Variants in SLC6A15 observed in about 807,000 individuals in gnomAD.
SLC6A15 encodes solute carrier family 6 member 15.
Under a neutral mutation model 68.5 loss-of-function variants are expected in SLC6A15, and 33 were observed. That is an observed-to-expected ratio of 0.48 (90% CI 0.37 to 0.64). The LOEUF is 0.64. Among genes scored for constraint, SLC6A15 ranks in the 30% least tolerant of loss-of-function variants. The probability of loss-of-function intolerance (pLI) is 0.00; values close to 1 mark genes in which losing one functional copy is unlikely to be tolerated. For missense variants in SLC6A15, 747 were observed against 874.3 expected (o/e 0.85, Z 1.84); for synonymous variants, 347 against 301.0 (o/e 1.15, Z -1.58).
In SLC6A15 at chr12:84,898,907, T is replaced by C. The variant is rs370578687; in HGVS notation, c.-188-6599A>G. On this transcript the variant is annotated intron_variant, in intron 1 of 11. Transcript: ENST00000266682. ...TTTGAAAAACAATTTAATTCTTTCA[T>C]GATTCTCTGAATTAGCAGTGTGAAC... Among the ~76,000 whole-genome samples the C allele has an allele frequency of 1.1e-4, 17 of 152,362 alleles. No homozygotes were observed. In the East Asian group the frequency reaches 2.5e-3, roughly 22 times the overall value.
At chr12:84,879,350 G>A (rs1191445343) in intron 5 of SLC6A15, among the ~76,000 whole-genome samples, 2 of 150,828 alleles carry the variant, frequency 1.3e-5, no homozygotes, top group Admixed American at 6.6e-5. Flanking sequence ...TTTGGAGACC[G>A]AGTCTCACTC....
intron 1 of SLC6A15, among the ~76,000 whole-genome samples, chr12:84,905,142 T>C (rs1345014217): frequency 6.6e-6 from 1 of 152,140 alleles, no homozygotes; most frequent in Non-Finnish European, 1.5e-5. Context: ...ATATTCCTAA[T>C]GAATATAGAC....
chr12:84,868,854 G>A (rs560731930), intron 9 of SLC6A15, among the ~76,000 whole-genome samples: 1 of 152,268 alleles, frequency 6.6e-6, no homozygotes, highest in East Asian at 1.9e-4. Context: ...TACTACAGGA[G>A]GGGACGGTTT....
intron 5 of SLC6A15, among the ~76,000 whole-genome samples, chr12:84,880,207 G>A (rs559780145): frequency 6.6e-6 from 1 of 152,138 alleles, no homozygotes; most frequent in Non-Finnish European, 1.5e-5. Context: ...GAGCAGGTAA[G>A]AGGACAAAAT....
Position 84,861,884 on chromosome 12 carries a change from A to ATCAT in SLC6A15, c.1937_1940dup (p.Asp647GlufsTer2). 1 of 1,613,998 alleles carries ATCAT rather than the reference A, an allele frequency of 6.2e-7. No individual in the cohort carries two copies. The highest frequency in any genetic ancestry group is 8.5e-7 in the Non-Finnish European group (1 of 1,179,908). The stretch of plus-strand genomic sequence containing the variant: ...TCACAGATGCTAAATTACCAGAACT[A>ATCAT]TCATCTATAAGGTTGAAGCGACGAA... On this transcript the variant is annotated stop_gained and frameshift_variant, in exon 12 of 12. Coordinates refer to ENST00000266682, the MANE Select transcript of SLC6A15 (RefSeq NM_182767.6). LOFTEE classifies it high-confidence loss of function.
chr12:84,907,372 A>T (rs1873219575), intron 1 of SLC6A15, among the ~76,000 whole-genome samples: 2 of 152,054 alleles, frequency 1.3e-5, no homozygotes, highest in African/African-American at 4.8e-5. Flanking sequence ...AACAAAAAAA[A>T]ACTCGACCAT....
chr12:84,862,514 G>A (rs1224558963), intron 11 of SLC6A15, among the ~76,000 whole-genome samples: 1 of 152,130 alleles, frequency 6.6e-6, no homozygotes, highest in Non-Finnish European at 1.5e-5. Context: ...TGAGAGAACG[G>A]ATTTGTTTAT....
chr12:84,885,537 A>C lies in SLC6A15; in HGVS notation c.472T>G (p.Tyr158Asp). 1 of 1,613,460 alleles carries C rather than the reference A, an allele frequency of 6.2e-7. No individual in the cohort carries two copies. The highest frequency in any genetic ancestry group is 8.5e-7 in the Non-Finnish European group (1 of 1,179,650). Residue 158 changes from tyrosine to aspartate, a missense_variant, in exon 4 of 12, where the codon TAC (tyrosine) becomes GAC (aspartate). Tyr to Asp is a radical substitution (Grantham distance 160). Transcript: ENST00000266682. ...AAACTCCAGCCAATGATGACGTTGTAGTAGAGAGCTACAAAATAGCACACC... is the reference window on the plus strand; with the variant it reads ...AAACTCCAGCCAATGATGACGTTGTCGTAGAGAGCTACAAAATAGCACACC... ...CVVCYFVALY[Y>D]NVIIGWSLFY...
chr12:84,875,662 A>C, intron 6 of SLC6A15, among the ~76,000 whole-genome samples: 1 of 92 alleles, frequency 0.011, no homozygotes, highest in Middle Eastern at 0.5. Flanking sequence ...ATATATATAT[A>C]TATATATATA....
intron 5 of SLC6A15, among the ~76,000 whole-genome samples, chr12:84,878,696 A>T (rs978682914): frequency 1.3e-5 from 2 of 152,120 alleles, no homozygotes; most frequent in African/African-American, 4.8e-5. Context: ...CTAATTAGGT[A>T]CTAAGAAAAG....
intron 1 of SLC6A15, among the ~76,000 whole-genome samples, chr12:84,902,876 A>C (rs1246501834): frequency 6.6e-6 from 1 of 152,134 alleles, no homozygotes; most frequent in Non-Finnish European, 1.5e-5. Flanking sequence ...CTTATAAAAG[A>C]GTAGCAGGAG....
intron 5 of SLC6A15, among the ~76,000 whole-genome samples, chr12:84,876,889 T>C (rs1369504692): frequency 6.6e-6 from 1 of 152,208 alleles, no homozygotes; most frequent in Admixed American, 6.5e-5. Context: ...TTATAGTTCA[T>C]AAAACAAGAA....
At chr12:84,908,272 TA>T (rs1364872712) in intron 1 of SLC6A15, among the ~76,000 whole-genome samples, 36 of 152,128 alleles carry the variant, frequency 2.4e-4, no homozygotes, top group African/African-American at 8.4e-4. Flanking sequence ...AGACTTTTTT[TA>T]ATACCCTAAA....
intron 5 of SLC6A15, 70 bp downstream of exon 5, chr12:84,883,789 C>G (rs569369345): frequency 1.9e-6 from 3 of 1,613,664 alleles, no homozygotes; most frequent in South Asian, 2.2e-5. Context: ...AAATCTGTAA[C>G]AGAATTTGAG....
chr12:84,895,475 G>A (rs1043541806), intron 1 of SLC6A15, among the ~76,000 whole-genome samples: 1 of 148,550 alleles, frequency 6.7e-6, no homozygotes, highest in Admixed American at 6.8e-5. Flanking sequence ...CAGCCTCTTG[G>A]GTAGCTGGGA....
Position 84,873,166 on chromosome 12 carries a change from T to TG in SLC6A15, c.1029dup (p.Thr344HisfsTer22), listed in dbSNP as rs1408172492. 6.2e-7 allele frequency: 1 copy of TG among 1,613,798 alleles called. No individual in the cohort carries two copies. The highest frequency in any genetic ancestry group is 8.5e-7 in the Non-Finnish European group (1 of 1,179,960). On this transcript the variant is annotated frameshift_variant, in exon 7 of 12. Transcript: ENST00000266682. LOFTEE classifies it high-confidence loss of function. ...ACCACCAATGTTGCCAGGACAGAAG[T>TG]GAAAAAATTGATGAAGGACACCAGG... is the stretch of plus-strand genomic sequence containing the variant.
chr12:84,897,947 T>C (rs1292611826), intron 1 of SLC6A15, among the ~76,000 whole-genome samples: 1 of 152,018 alleles, frequency 6.6e-6, no homozygotes, highest in African/African-American at 2.4e-5. Context: ...CAATTGTGAA[T>C]TAAATTACCA....
At chr12:84,893,300 G>A (rs1443902473) in intron 1 of SLC6A15, among the ~76,000 whole-genome samples, 1 of 152,110 alleles carries the variant, frequency 6.6e-6, no homozygotes, top group African/African-American at 2.4e-5. Context: ...ATGGAGTGAG[G>A]TCATACCCAA....
At chr12:84,892,851 G>A (rs942014873) in intron 1 of SLC6A15, among the ~76,000 whole-genome samples, 16 of 152,164 alleles carry the variant, frequency 1.1e-4, no homozygotes, top group Admixed American at 6.5e-5. Flanking sequence ...CTGGAGTGCT[G>A]TGGCAAAATC....
Sources: allele counts gnomAD v4.1 joint callset (sites outside exome capture counted in the v4.1 genomes callset), GRCh38; gene constraint gnomAD v4.1.1; transcripts MANE v1.5; gene names NCBI Gene and HGNC (gene_info 2026-07-23, HGNC 2026-07-21).